DDX42: variants seen among roughly 807,000 people sequenced by gnomAD.
DDX42 encodes the protein DEAD-box helicase 42, also known as ATP-dependent RNA helicase DDX42.
In DDX42, 22 loss-of-function variants were observed where a neutral mutation model predicts 101.5. The ratio of observed to expected loss-of-function variants is 0.22; its 90% CI spans 0.15 to 0.31. The LOEUF is 0.31. DDX42 is among the 10% of genes least tolerant of loss of function. The probability of loss-of-function intolerance (pLI) is 1.00; values close to 1 mark genes in which losing one functional copy is unlikely to be tolerated. For missense variants in DDX42, 849 were observed against 1,199.9 expected, an observed-to-expected ratio of 0.71 and a Z score of 4.32; for synonymous variants, 402 against 401.2, an observed-to-expected ratio of 1.00 and a Z score of -0.02.
chr17:63,813,262 C>T lies in DDX42; in HGVS notation c.1710C>T (p.Val570=). ...TGGACATTCCTTCAATTAAGACTGT[C>T]ATTAACTATGATGTGGCACGAGACA... ...RGLDIPSIKT[V]INYDVARDID... Residue 570 remains valine (V), a synonymous_variant, in exon 15 of 18, where the codon GTC becomes GTT. Coordinates refer to ENST00000389924, the MANE Select transcript of DDX42 (RefSeq NM_203499.3). The T allele has an allele frequency of 1.2e-6, 2 of 1,613,398 alleles. No individual in the cohort carries two copies. Among genetic ancestry groups the T allele is most frequent in the Non-Finnish European group, 1.7e-6 (2 of 1,179,440 alleles).
At chr17:63,788,825 C>A (rs553814104) in intron 2 of DDX42, among the ~76,000 whole-genome samples, 1 of 152,084 alleles carries the variant, frequency 6.6e-6, no homozygotes, top group East Asian at 1.9e-4. Flanking sequence ...CTGAAGAAAT[C>A]TCTTGTTGCT....
At chr17:63,784,439 C>T (rs908263845) in intron 1 of DDX42, among the ~76,000 whole-genome samples, 13 of 152,042 alleles carry the variant, frequency 8.6e-5, no homozygotes, top group African/African-American at 3.1e-4. Context: ...CCTTATTTTA[C>T]TCAATGTGTA....
intron 1 of DDX42, among the ~76,000 whole-genome samples, chr17:63,780,381 A>AATCAG (rs2039473198): frequency 1.3e-5 from 2 of 152,186 alleles, no homozygotes; most frequent in African/African-American, 4.8e-5. Flanking sequence ...GCTTAGATTT[A>AATCAG]ATCAGGAAGG....
At chr17:63,814,542 C>A (rs1032162280) in intron 15 of DDX42, among the ~76,000 whole-genome samples, 1 of 152,154 alleles carries the variant, frequency 6.6e-6, no homozygotes, top group Non-Finnish European at 1.5e-5. Flanking sequence ...GCATTTTCTT[C>A]CATTTCTTTT....
chr17:63,810,617 T>C, intron 12 of DDX42, 57 bp downstream of exon 12: 8 of 1,502,972 alleles, frequency 5.3e-6, no homozygotes, highest in South Asian at 2.3e-5. Flanking sequence ...CACTTATTTA[T>C]TTTATAAGCA....
chr17:63,774,368 T>A lies in DDX42; in HGVS notation c.-25T>A, dbSNP rs911913344. The A allele has an allele frequency of 4.3e-6, 1 of 231,812 alleles. No individual in the cohort carries two copies. The highest frequency in any genetic ancestry group is 8.4e-6 in the Non-Finnish European group (1 of 119,314). The allele number at this position is 231,812 out of a possible 1,614,324, so 14.4% of individuals were successfully genotyped here. A position where few individuals can be genotyped will look rare whatever the true frequency, so the allele number is the denominator to read the frequency against. ...GTTGTAGCAGCTGCCGCTGCAGCCA[T>A]AGCAGCAGGTTTGTGCGTGGGGTTT... On this transcript the variant is annotated 5_prime_UTR_variant, in exon 1 of 18. Coordinates refer to ENST00000389924, the MANE Select transcript of DDX42 (RefSeq NM_203499.3).
At chr17:63,791,924 G>C (rs892902524) in intron 2 of DDX42, among the ~76,000 whole-genome samples, 3 of 151,986 alleles carry the variant, frequency 2.0e-5, no homozygotes, top group African/African-American at 4.8e-5. Context: ...GCAGGTGCCT[G>C]TGATCCCAGC....
chr17:63,801,779 A>C (rs1262368285), intron 6 of DDX42, among the ~76,000 whole-genome samples: 2 of 151,974 alleles, frequency 1.3e-5, no homozygotes, highest in Non-Finnish European at 2.9e-5. Flanking sequence ...AATTGCTATA[A>C]ATTTTTACTG....
At chr17:63,798,561 T>C (rs2039721608) in intron 4 of DDX42, among the ~76,000 whole-genome samples, 1 of 152,216 alleles carries the variant, frequency 6.6e-6, no homozygotes. Context: ...GGGATTTTTT[T>C]CAACCAACAC....
chr17:63,793,701 T>A (rs1447772686), intron 3 of DDX42, among the ~76,000 whole-genome samples: 1 of 152,138 alleles, frequency 6.6e-6, no homozygotes, highest in African/African-American at 2.4e-5. Context: ...AATATCCATC[T>A]GTTATTTGTG....
Position 63,799,421 on chromosome 17 carries a change from C to CAT in DDX42, c.435-160_435-159dup, listed in dbSNP as rs149076050. On this transcript the variant is annotated intron_variant, in intron 4 of 17. Transcript: ENST00000389924. ...CTGCAGATTATAGAGTGCAGCTACA[C>CAT]ATATATATAATGGGGTGGATAGTTT... 5.8e-3 allele frequency: 3,407 copies of CAT among 585,570 alleles called. 78 individuals carry two copies. Among genetic ancestry groups the CAT allele is most frequent in the African/African-American group, 0.057 (3,063 of 53,958 alleles). The allele number at this position is 585,570 out of a possible 1,614,324, so 36.3% of individuals were successfully genotyped here.
Position 63,808,850 on chromosome 17 carries a change from GCATATAATCTT to G in DDX42, c.1056_1066del (p.Tyr353IlefsTer51), listed in dbSNP as rs762212268. 6.2e-7 allele frequency: 1 copy of G among 1,614,042 alleles called. No homozygotes were observed. Among genetic ancestry groups the G allele is most frequent in the Non-Finnish European group, 8.5e-7 (1 of 1,179,954 alleles). ...TGCAGAATGTAAGCGGTTTGGAAAA[GCATATAATCTT>G]CGATCAGTGGCCGTATATGGAGGAG... On this transcript the variant is annotated frameshift_variant, in exon 10 of 18. Transcript: ENST00000389924. LOFTEE classifies it high-confidence loss of function.
chr17:63,807,818 A>G lies in DDX42; in HGVS notation c.941A>G (p.His314Arg). 6.2e-7 allele frequency: 1 copy of G among 1,614,194 alleles called. No homozygotes were observed. Among genetic ancestry groups the G allele is most frequent in the Non-Finnish European group, 8.5e-7 (1 of 1,180,044 alleles). Residue 314 changes from histidine (H) to arginine (R), a missense_variant, in exon 9 of 18, where the codon CAT becomes CGT. His to Arg is a conservative substitution (Grantham distance 29, BLOSUM62 0). Transcript: ENST00000389924. ...GCCTTCATTTGGCCCATGTTGATTC[A>G]TATAATGGACCAGAAGGAGTTGGAA... Reference protein sequence around the residue: ...TAAFIWPMLIHIMDQKELEPG... With the variant: ...TAAFIWPMLIRIMDQKELEPG...
chr17:63,805,204 ATAT>A, intron 7 of DDX42, 29 bp downstream of exon 7: 1 of 1,601,886 alleles, frequency 6.2e-7, no homozygotes, highest in Non-Finnish European at 8.5e-7. Flanking sequence ...AATATTCTTA[ATAT>A]TAATGTTAAT....
intron 17 of DDX42, chr17:63,817,379 ATTT>A (rs1329169380): frequency 3.3e-6 from 1 of 301,786 alleles, no homozygotes; most frequent in Non-Finnish European, 6.1e-6. Flanking sequence ...CAGTATGAAA[ATTT>A]TTTTTAAGTT....
intron 3 of DDX42, among the ~76,000 whole-genome samples, chr17:63,794,795 G>A: frequency 6.6e-6 from 1 of 151,610 alleles, no homozygotes; most frequent in Non-Finnish European, 1.5e-5. Flanking sequence ...AATTAGCCAG[G>A]CATGGTGGTG....
intron 2 of DDX42, 124 bp downstream of exon 2, chr17:63,787,394 G>T: frequency 2.0e-6 from 2 of 1,010,446 alleles, no homozygotes; most frequent in South Asian, 1.7e-5. Flanking sequence ...TATGTGTCTC[G>T]CTGAATTCCA....
chr17:63,804,660 G>A (rs555949319), intron 6 of DDX42, among the ~76,000 whole-genome samples: 1 of 152,224 alleles, frequency 6.6e-6, no homozygotes, highest in African/African-American at 2.4e-5. Flanking sequence ...CAAATTCGAG[G>A]TTTCCTTAAG....
intron 17 of DDX42, 109 bp from the exon 18 acceptor site, chr17:63,817,585 G>A: frequency 1.8e-6 from 2 of 1,089,550 alleles, no homozygotes; most frequent in Middle Eastern, 2.4e-4. Context: ...TAAACTCACA[G>A]TGCCAGGATA....
Sources: gnomAD v4.1 joint callset for allele counts (sites outside exome capture counted in the v4.1 genomes callset) on GRCh38, gnomAD v4.1.1 for gene constraint, MANE v1.5 for transcripts, NCBI Gene and HGNC (gene_info 2026-07-23, HGNC 2026-07-21) for gene names.